The following MAML2 variants were observed in gnomAD, a reference collection of about 807,000 sequenced individuals.
MAML2 encodes mastermind like transcriptional coactivator 2, also known as mastermind-like protein 2.
MAML2 carries 22 observed loss-of-function variants against 96.1 expected under a neutral mutation model. The ratio of observed to expected loss-of-function variants is 0.23; its 90% CI spans 0.16 to 0.33. MAML2 has a LOEUF of 0.33. Among genes scored for constraint, MAML2 ranks in the 10% least tolerant of loss-of-function variants. The pLI, the probability that MAML2 is intolerant of heterozygous loss-of-function variation, is 1.00. For missense variants in MAML2, 1,367 were observed against 1,392.4 expected (o/e 0.98, Z 0.29); for synonymous variants, 561 against 521.3 (o/e 1.08, Z -1.04).
intron 2 of MAML2, among the ~76,000 whole-genome samples, chr11:96,077,208 ACTCT>A (rs796267112): frequency 6.4e-4 from 66 of 103,584 alleles, no homozygotes; most frequent in African/African-American, 2.2e-3. Flanking sequence ...TTTTACCCCA[ACTCT>A]CTCTCTCTTT....
In MAML2 at chr11:95,977,393, C is replaced by T. The variant is rs1261779269; in HGVS notation, c.*1555G>A. The T allele has an allele frequency of 5.3e-6, 1 of 188,746 alleles. No individual in the cohort carries two copies. Among genetic ancestry groups the T allele is most frequent in the Non-Finnish European group, 1.1e-5 (1 of 89,746 alleles). 11.7% of individuals were successfully genotyped at this position (188,746 alleles called of 1,614,324 possible). On this transcript the variant is annotated 3_prime_UTR_variant, in exon 5 of 5. Coordinates refer to ENST00000524717, the MANE Select transcript of MAML2 (RefSeq NM_032427.4). ...TGTAAAGAAGGAGAGTGCTTCCAGA[C>T]ATTTTAAAGACTGGGAGACAGCTTT...
chr11:96,054,091 T>C (rs1859027499), intron 2 of MAML2, among the ~76,000 whole-genome samples: 1 of 152,208 alleles, frequency 6.6e-6, no homozygotes, highest in South Asian at 2.1e-4. Flanking sequence ...CATTCCTCTC[T>C]GCAAAATCCC....
At chr11:96,009,407 G>T (rs7130546) in intron 2 of MAML2, among the ~76,000 whole-genome samples, 52,740 of 151,968 alleles carry the variant, frequency 0.35, 9,367 homozygotes, top group South Asian at 0.49. Context: ...GAATTTAACT[G>T]GGTCCTGGTC....
chr11:96,023,850 G>T (rs1858474169), intron 2 of MAML2, among the ~76,000 whole-genome samples: 1 of 152,218 alleles, frequency 6.6e-6, no homozygotes, highest in African/African-American at 2.4e-5. Flanking sequence ...GAAATGTGAG[G>T]TTATTAGGAT....
chr11:96,317,883 T>C (rs1226429813), intron 1 of MAML2, among the ~76,000 whole-genome samples: 1 of 152,204 alleles, frequency 6.6e-6, no homozygotes, highest in Non-Finnish European at 1.5e-5. Context: ...TAGGAAAACA[T>C]CAGGTGGCTA....
chr11:96,155,547 T>TATATATATATATATATATATATATAC (rs1860999245), intron 1 of MAML2, among the ~76,000 whole-genome samples: 1 of 119,692 alleles, frequency 8.4e-6, no homozygotes, highest in African/African-American at 3.2e-5. Context: ...TATATATATA[T>TATATATATATATATATATATATATAC]ATATGAGGAA....
At chr11:96,243,051 C>T (rs1862458230) in intron 1 of MAML2, among the ~76,000 whole-genome samples, 1 of 148,760 alleles carries the variant, frequency 6.7e-6, no homozygotes, top group Admixed American at 6.6e-5. Flanking sequence ...CACACACACA[C>T]ATACACATAC....
chr11:96,278,867 G>A (rs949670214), intron 1 of MAML2, among the ~76,000 whole-genome samples: 4 of 152,198 alleles, frequency 2.6e-5, no homozygotes, highest in African/African-American at 9.7e-5. Flanking sequence ...CTAGAGGTAG[G>A]ATAACTGCGG....
intron 1 of MAML2, among the ~76,000 whole-genome samples, chr11:96,243,914 T>A (rs1353456141): frequency 1.3e-5 from 2 of 152,214 alleles, no homozygotes; most frequent in African/African-American, 4.8e-5. Flanking sequence ...GTGCTGGGAT[T>A]ACTGGCGTGA....
At chr11:96,195,839 A>G (rs1296046271) in intron 1 of MAML2, among the ~76,000 whole-genome samples, 1 of 152,136 alleles carries the variant, frequency 6.6e-6, no homozygotes, top group African/African-American at 2.4e-5. Context: ...ATGTAGCAAA[A>G]ACGACATGTT....
intron 1 of MAML2, among the ~76,000 whole-genome samples, chr11:96,248,188 C>T (rs2135965078): frequency 6.7e-6 from 1 of 150,128 alleles, no homozygotes; most frequent in Admixed American, 6.6e-5. Flanking sequence ...TCTCCGCTCA[C>T]TGCAGCCTCC....
intron 1 of MAML2, among the ~76,000 whole-genome samples, chr11:96,145,283 A>G (rs1860798621): frequency 6.6e-6 from 1 of 152,240 alleles, no homozygotes. Context: ...CCAAATAGCT[A>G]CCATGATATT....
intron 2 of MAML2, among the ~76,000 whole-genome samples, chr11:96,077,215 C>CTTTTTTTT (rs1565207022): frequency 1.3e-3 from 83 of 61,822 alleles, no homozygotes; most frequent in African/African-American, 5.1e-3. Context: ...CCAACTCTCT[C>CTTTTTTTT]TCTCTTTTTT....
At chr11:96,150,458 G>A (rs1272074326) in intron 1 of MAML2, among the ~76,000 whole-genome samples, 2 of 152,162 alleles carry the variant, frequency 1.3e-5, no homozygotes, top group Admixed American at 6.5e-5. Context: ...GGGTTGTGTA[G>A]GAGTTAATCT....
intron 1 of MAML2, among the ~76,000 whole-genome samples, chr11:96,252,909 CCT>C (rs1862605715): frequency 6.6e-6 from 1 of 152,156 alleles, no homozygotes; most frequent in East Asian, 1.9e-4. Flanking sequence ...AAGTCCCTTG[CCT>C]GGTTAAAGGG....
chr11:96,077,363 G>A (rs2135794789), intron 2 of MAML2, among the ~76,000 whole-genome samples: 1 of 151,632 alleles, frequency 6.6e-6, no homozygotes, highest in South Asian at 2.1e-4. Flanking sequence ...TGGGACTACA[G>A]GCATACGCCA....
chr11:96,259,176 G>A (rs773539389), intron 1 of MAML2, among the ~76,000 whole-genome samples: 2 of 152,154 alleles, frequency 1.3e-5, no homozygotes, highest in African/African-American at 2.4e-5. Context: ...TTATCTGCAT[G>A]TCTTTTCAAT....
intron 2 of MAML2, among the ~76,000 whole-genome samples, chr11:96,065,044 A>G (rs1859223612): frequency 6.6e-6 from 1 of 152,172 alleles, no homozygotes; most frequent in Admixed American, 6.5e-5. Context: ...ACTAGAAGGA[A>G]TGTTTTTGTG....
chr11:96,321,641 G>A (rs12274278), intron 1 of MAML2, among the ~76,000 whole-genome samples: 1 of 152,162 alleles, frequency 6.6e-6, no homozygotes, highest in Non-Finnish European at 1.5e-5. Context: ...CAGGAAGTAT[G>A]TCTATAGAAG....
Sources: allele counts gnomAD v4.1 joint callset (sites outside exome capture counted in the v4.1 genomes callset), GRCh38; gene constraint gnomAD v4.1.1; transcripts MANE v1.5; gene names NCBI Gene and HGNC (gene_info 2026-07-23, HGNC 2026-07-21).